The following ATP2A3 variants were observed in gnomAD, a reference collection of about 807,000 sequenced individuals.
The protein encoded by ATP2A3 is ATPase sarcoplasmic/endoplasmic reticulum Ca2+ transporting 3.
Under a neutral mutation model 106.8 loss-of-function variants are expected in ATP2A3, and 61 were observed. The ratio of observed to expected loss-of-function variants is 0.57; its 90% CI spans 0.46 to 0.71. The LOEUF is 0.71. Among genes scored for constraint, ATP2A3 ranks in the 30% least tolerant of loss-of-function variants. ATP2A3 has a pLI of 0.00. For missense variants in ATP2A3, 1,201 were observed against 1,423.5 expected (o/e 0.84, Z 2.52); for synonymous variants, 611 against 609.3 (o/e 1.00, Z -0.04).
rs1349624757 is a variant in ATP2A3 at position 3,928,410 on chromosome 17, G to A, written c.2980+253C>T. ...GTAGGGGGTGGCAGGTGAAGACAGTGAGGCAGTGTGGCCCAAGAGGTGCTC... is the reference window on the plus strand; with the variant it reads ...GTAGGGGGTGGCAGGTGAAGACAGTAAGGCAGTGTGGCCCAAGAGGTGCTC... On this transcript the variant is annotated intron_variant, in intron 20 of 20. Coordinates refer to ENST00000397041, the MANE Select transcript of ATP2A3 (RefSeq NM_005173.4). This position sits in a 1 kb window ranked among gnomAD's most constrained non-coding sequence, Gnocchi z 6.1. 2.2e-6 allele frequency: 3 copies of A among 1,352,784 alleles called. No homozygotes were observed. Among genetic ancestry groups the A allele is most frequent in the African/African-American group, 2.9e-5 (2 of 69,222 alleles). The allele number at this position is 1,352,784 out of a possible 1,614,324, so 83.8% of individuals were successfully genotyped here. A position where few individuals can be genotyped will look rare whatever the true frequency, so the allele number is the denominator to read the frequency against.
rs1269842131 is a variant in ATP2A3, at chr17:3,951,195, TA to T, written c.463+55del. 2.2e-5 allele frequency: 26 copies of T among 1,192,560 alleles called. No homozygotes were observed. The African/African-American group carries it at 3.4e-4, about 16-fold the overall frequency. 73.9% of individuals were successfully genotyped at this position (1,192,560 alleles called of 1,614,324 possible). A position where few individuals can be genotyped will look rare whatever the true frequency, so the allele number is the denominator to read the frequency against. On this transcript the variant is annotated intron_variant, in intron 5 of 20. Coordinates refer to ENST00000397041, the MANE Select transcript of ATP2A3 (RefSeq NM_005173.4). ...CTCAAAAAATAAATAAATAAATAAATAAAATAAATAAATAAATAAAATAAAA... is the reference window on the plus strand; with the variant it reads ...CTCAAAAAATAAATAAATAAATAAATAAATAAATAAATAAATAAAATAAAA...
chr17:3,957,858 T>A (rs2054869917), intron 1 of ATP2A3, among the ~76,000 whole-genome samples: 1 of 152,234 alleles, frequency 6.6e-6, no homozygotes, highest in Admixed American at 6.5e-5. Flanking sequence ...TCCGCTGGGC[T>A]GCAGGGGGCA....
At chr17:3,962,316 C>T (rs2055186439) in intron 1 of ATP2A3, among the ~76,000 whole-genome samples, 1 of 152,160 alleles carries the variant, frequency 6.6e-6, no homozygotes, top group Non-Finnish European at 1.5e-5. Context: ...CCGTTTCCTG[C>T]TGTATAAAAT....
chr17:3,964,127 G>A, intron 1 of ATP2A3, 47 bp downstream of exon 1: 1 of 1,022,706 alleles, frequency 9.8e-7, no homozygotes. Context: ...TGAGACTGCG[G>A]CGCGCGCGGC....
chr17:3,949,599 G>A lies in ATP2A3; in HGVS notation c.630+912C>T, dbSNP rs1354506909. Among the ~76,000 whole-genome samples, 11 of 152,206 alleles carry A rather than the reference G, an allele frequency of 7.2e-5. 1 individual carries two copies. The highest frequency in any genetic ancestry group is 2.0e-4 in the Admixed American group (3 of 15,278). ...GGATGTCTGAGTTCGTCCCAGCTGT[G>A]CCACTCATTGGCTGTGTGACCTTGG... On this transcript the variant is annotated intron_variant, in intron 7 of 20. Transcript: ENST00000397041.
At chr17:3,956,728 C>T (rs2054803414) in intron 1 of ATP2A3, among the ~76,000 whole-genome samples, 2 of 152,118 alleles carry the variant, frequency 1.3e-5, no homozygotes, top group Non-Finnish European at 2.9e-5. Flanking sequence ...GAGAAATGAG[C>T]CTCTGGTCCT....
chr17:3,961,899 G>A (rs1390288566), intron 1 of ATP2A3, among the ~76,000 whole-genome samples: 1 of 152,172 alleles, frequency 6.6e-6, no homozygotes, highest in East Asian at 1.9e-4. Flanking sequence ...AGCTATGAAG[G>A]GGCAGGGCTA....
At chr17:3,942,408 G>A (rs116288884) in intron 12 of ATP2A3, among the ~76,000 whole-genome samples, 198 bp downstream of exon 12, 1,688 of 152,274 alleles carry the variant, frequency 0.011, 33 homozygotes, top group African/African-American at 0.038. Context: ...TCCCTCCCTG[G>A]GACTCAGTTT....
chr17:3,936,982 C>T lies in ATP2A3; in HGVS notation c.2321+434G>A, dbSNP rs2053484281. The T allele has an allele frequency of 9.1e-6, 3 of 330,798 alleles. No individual in the cohort carries two copies. Among genetic ancestry groups the T allele is most frequent in the Non-Finnish European group, 1.8e-5 (3 of 170,104 alleles). 20.5% of individuals were successfully genotyped at this position (330,798 alleles called of 1,614,324 possible). A position where few individuals can be genotyped will look rare whatever the true frequency, so the allele number is the denominator to read the frequency against. On this transcript the variant is annotated intron_variant, in intron 15 of 20. Coordinates refer to ENST00000397041, the MANE Select transcript of ATP2A3 (RefSeq NM_005173.4). This position sits in a 1 kb window ranked among gnomAD's most constrained non-coding sequence, Gnocchi z 5.4. Reference sequence around the variant, plus strand: ...GCCGGCACAAATCCTTCTGCTTGTACTCACGCTCAAAATGCACCAGAGCAC... The same window carrying T: ...GCCGGCACAAATCCTTCTGCTTGTATTCACGCTCAAAATGCACCAGAGCAC...
rs924397970 is a variant in ATP2A3 at position 3,929,683 on chromosome 17, C to A, written c.2745-238G>T. Among the ~76,000 whole-genome samples, 3 of 152,140 alleles carry A rather than the reference C, an allele frequency of 2.0e-5. No individual in the cohort carries two copies. The highest frequency in any genetic ancestry group is 7.2e-5 in the African/African-American group (3 of 41,410). On this transcript the variant is annotated intron_variant, in intron 18 of 20. Coordinates refer to ENST00000397041, the MANE Select transcript of ATP2A3 (RefSeq NM_005173.4). This position sits in a 1 kb window ranked among gnomAD's most constrained non-coding sequence, Gnocchi z 4.3. ...TCTCCTGGGCCCCAATTCCGGTCCC[C>A]ATGAACTCTCAGAATCCTCTCTGGG...
chr17:3,941,157 C>T lies in ATP2A3; in HGVS notation c.1914G>A (p.Arg638=), dbSNP rs778926709. 2.5e-6 allele frequency: 4 copies of T among 1,614,150 alleles called. No individual in the cohort carries two copies. Among genetic ancestry groups the T allele is most frequent in the Non-Finnish European group, 3.4e-6 (4 of 1,180,010 alleles). The change falls in exon 14 of 21, where the codon AGG becomes AGA. Residue 638 remains arginine (R), a synonymous_variant. Transcript: ENST00000397041. ...CTTCCGTGTCCCCAAAGATGCCAAG[C>T]CTGCGGCAGATGGCCACGGCAGTGC... ...NKGTAVAICR[R]LGIFGDTEDV... is the part of the protein sequence containing the mutation.
chr17:3,935,132 C>A, intron 17 of ATP2A3, 60 bp downstream of exon 17: 2 of 1,573,844 alleles, frequency 1.3e-6, no homozygotes, highest in Admixed American at 1.7e-5. Context: ...CCCATCTCCC[C>A]TGGAACTCCA....
In ATP2A3 at chr17:3,929,676, C is replaced by T. The variant is rs1316216389; in HGVS notation, c.2745-231G>A. ...TTCTTTGTCTCCTGGGCCCCAATTC[C>T]GGTCCCCATGAACTCTCAGAATCCT... is the stretch of plus-strand genomic sequence containing the variant. On this transcript the variant is annotated intron_variant, in intron 18 of 20. Coordinates refer to ENST00000397041, the MANE Select transcript of ATP2A3 (RefSeq NM_005173.4). The surrounding 1 kb of genome is among the most constrained non-coding windows in gnomAD (Gnocchi z 4.3). Among the ~76,000 whole-genome samples the T allele has an allele frequency of 2.6e-5, 4 of 152,254 alleles. 1 individual carries two copies. Among genetic ancestry groups the T allele is most frequent in the Middle Eastern group, 6.8e-3 (2 of 294 alleles).
At chr17:3,935,535 C>CT (rs10668980) in intron 16 of ATP2A3, among the ~76,000 whole-genome samples, 19,068 of 114,018 alleles carry the variant, frequency 0.17, 2,268 homozygotes, top group Non-Finnish European at 0.21. Flanking sequence ...CCTGTTGAGA[C>CT]TTTTTTTTTT....
chr17:3,958,313 G>C (rs1175662078), intron 1 of ATP2A3, among the ~76,000 whole-genome samples: 1 of 152,142 alleles, frequency 6.6e-6, no homozygotes, highest in African/African-American at 2.4e-5. Flanking sequence ...TAGAATATAA[G>C]CTCTAGGGCA....
At chr17:3,951,993 T>C (rs904113150) in intron 3 of ATP2A3, among the ~76,000 whole-genome samples, 5 of 152,132 alleles carry the variant, frequency 3.3e-5, no homozygotes, top group African/African-American at 1.2e-4. Flanking sequence ...CAGCAGCAGC[T>C]GGGAACTTGT....
At chr17:3,948,223 G>A (rs1029070752) in intron 7 of ATP2A3, among the ~76,000 whole-genome samples, 1 of 152,208 alleles carries the variant, frequency 6.6e-6, no homozygotes, top group African/African-American at 2.4e-5. Flanking sequence ...GAGCATAGCT[G>A]ACTACGAACC....
intron 14 of ATP2A3, among the ~76,000 whole-genome samples, chr17:3,940,042 T>G (rs1239348620): frequency 7.6e-4 from 98 of 128,478 alleles, no homozygotes; most frequent in African/African-American, 3.1e-3. Flanking sequence ...TTTTTTTTTT[T>G]GTTTTTTGTT....
chr17:3,940,927 C>T, intron 14 of ATP2A3, 44 bp downstream of exon 14: 1 of 1,608,480 alleles, frequency 6.2e-7, no homozygotes, highest in Non-Finnish European at 8.5e-7. Flanking sequence ...CACCCCGTGG[C>T]CCCACTCATC....
Sources: gnomAD v4.1 joint callset for allele counts (sites outside exome capture counted in the v4.1 genomes callset) on GRCh38, gnomAD v4.1.1 for gene constraint, Gnocchi (gnomAD v3.1) non-coding constraint, MANE v1.5 for transcripts, NCBI Gene and HGNC (gene_info 2026-07-23, HGNC 2026-07-21) for gene names.